RGS11: variants seen among roughly 807,000 people sequenced by gnomAD.
The protein encoded by RGS11 is regulator of G protein signaling 11.
A neutral mutation model predicts 71.1 loss-of-function variants in RGS11; 86 were observed. The observed-to-expected ratio is 1.21, with a 90% CI of 1.02 to 1.45. RGS11 has a LOEUF of 1.45. Among genes scored for constraint, RGS11 ranks in the 40% most tolerant of loss-of-function variants. The pLI is 0.00. For missense variants in RGS11, 734 were observed against 635.1 expected, an observed-to-expected ratio of 1.16 and a Z score of -1.67; for synonymous variants, 298 against 254.2, an observed-to-expected ratio of 1.17 and a Z score of -1.64.
chr16:274,730 T>G (rs1211623028), intron 4 of RGS11: 1 of 699,598 alleles, frequency 1.4e-6, no homozygotes, highest in Non-Finnish European at 2.6e-6. Flanking sequence ...CGACCCCTTG[T>G]GGGGCCCTGC....
rs892615371 is a variant in RGS11, at chr16:273,708, G to A, written c.506+52C>T. The A allele has an allele frequency of 2.5e-5, 40 of 1,582,910 alleles. No individual in the cohort carries two copies. In the Admixed American group the frequency reaches 3.5e-4, roughly 14 times the overall value. Reference sequence around the variant, plus strand: ...AGCCTGGCCTGGGCTGGGCTTCCCGGGTAGCCTGGGTTGGGCGCCTGCAGG... The same window carrying A: ...AGCCTGGCCTGGGCTGGGCTTCCCGAGTAGCCTGGGTTGGGCGCCTGCAGG... On this transcript the variant is annotated intron_variant, in intron 7 of 16. Coordinates refer to ENST00000397770, the MANE Select transcript of RGS11 (RefSeq NM_183337.3).
chr16:268,990 T>A lies in RGS11; in HGVS notation c.*279A>T. The A allele has an allele frequency of 1.3e-6, 2 of 1,495,974 alleles. No individual in the cohort carries two copies. Among genetic ancestry groups the A allele is most frequent in the African/African-American group, 2.8e-5 (2 of 71,912 alleles). 92.7% of individuals were successfully genotyped at this position (1,495,974 alleles called of 1,614,324 possible). A position where few individuals can be genotyped will look rare whatever the true frequency, so the allele number is the denominator to read the frequency against. ...AAGGTGGAGCTCCCTGTGGCCTTGG[T>A]CTCACCTCTCTTCAGGTAACAGGCT... On this transcript the variant is annotated 3_prime_UTR_variant, in exon 17 of 17. Transcript: ENST00000397770.
At chr16:273,587 C>A in intron 7 of RGS11, 31 bp from the exon 8 acceptor site, 1 of 1,546,514 alleles carries the variant, frequency 6.5e-7, no homozygotes, top group Non-Finnish European at 8.8e-7. Context: ...TGAGGGCACG[C>A]CCTGCACACA....
chr16:269,600 G>T lies in RGS11; in HGVS notation c.1207-15C>A. The T allele has an allele frequency of 1.2e-6, 2 of 1,602,154 alleles. No homozygotes were observed. The highest frequency in any genetic ancestry group is 1.7e-6 in the Non-Finnish European group (2 of 1,170,014). On this transcript the variant is annotated splice_polypyrimidine_tract_variant and intron_variant, in intron 15 of 16. Transcript: ENST00000397770. ...GGGTAGGAGTCCTACAAGAGACAGC[G>T]TCCAGCCCCTGACCCTTCTGCCTCC...
At position 275,857 on chromosome 16, in the gene RGS11, G is replaced by A; in HGVS notation, c.55C>T (p.Leu19=). ...ACCCACCCGCCTCGCACCTTCCTCAGATGCGGCATCTGCGCCCGGGGGCGG... is the reference window on the plus strand; with the variant it reads ...ACCCACCCGCCTCGCACCTTCCTCAAATGCGGCATCTGCGCCCGGGGGCGG... The part of the protein sequence containing the change: ...PGRPRAQMPH[L]RKMERVVVSM... Residue 19 remains leucine (L), a synonymous_variant, in exon 1 of 17, where the codon CTG becomes TTG. Transcript: ENST00000397770. 9.5e-7 allele frequency: 1 copy of A among 1,057,698 alleles called. No individual in the cohort carries two copies. The highest frequency in any genetic ancestry group is 1.2e-6 in the Non-Finnish European group (1 of 864,584). The allele number at this position is 1,057,698 out of a possible 1,614,324, so 65.5% of individuals were successfully genotyped here. A position where few individuals can be genotyped will look rare whatever the true frequency, so the allele number is the denominator to read the frequency against.
intron 9 of RGS11, chr16:272,093 C>T (rs1377900076): frequency 9.7e-7 from 1 of 1,034,636 alleles, no homozygotes; most frequent in African/African-American, 1.7e-5. Context: ...GCCTCAGCCT[C>T]CCAAAGTGCT....
Position 275,015 on chromosome 16 carries a change from G to T in RGS11, c.279C>A (p.Ser93Arg). 2 of 1,522,600 alleles carry T rather than the reference G, an allele frequency of 1.3e-6. No individual in the cohort carries two copies. The highest frequency in any genetic ancestry group is 8.8e-7 in the Non-Finnish European group (1 of 1,132,220). 94.3% of individuals were successfully genotyped at this position (1,522,600 alleles called of 1,614,324 possible). A position where few individuals can be genotyped will look rare whatever the true frequency, so the allele number is the denominator to read the frequency against. Residue 93 changes from serine to arginine, a missense_variant, in exon 4 of 17, where the codon AGC becomes AGA. Physicochemically the swap from Ser to Arg is moderately radical, Grantham distance 110. Transcript: ENST00000397770. ...GCGTCTCGTCTGGCCGGAGCATGAG[G>T]CTACGGGGGTCGCGCAGCGGGTAGA... is the stretch of plus-strand genomic sequence containing the variant. Reference protein sequence around the residue: ...GYIYPLRDPRSLMLRPDETPY... With the variant: ...GYIYPLRDPRRLMLRPDETPY...
intron 9 of RGS11, chr16:272,093 C>A (rs1377900076): frequency 1.9e-6 from 2 of 1,034,636 alleles, no homozygotes; most frequent in Non-Finnish European, 2.4e-6. Context: ...GCCTCAGCCT[C>A]CCAAAGTGCT....
chr16:275,559 C>G, intron 1 of RGS11, 61 bp from the exon 2 acceptor site: 3 of 1,351,188 alleles, frequency 2.2e-6, no homozygotes, highest in South Asian at 2.5e-5. Flanking sequence ...TCCCTGGCAC[C>G]GGCCGGGATG....
intron 4 of RGS11, chr16:274,577 G>A (rs1375515273): frequency 1.7e-6 from 1 of 595,618 alleles, no homozygotes; most frequent in Non-Finnish European, 3.1e-6. Flanking sequence ...TGTGCCTGGG[G>A]AGGGGTACAA....
chr16:270,424 CGTGGGCAGTGCCTGT>C, intron 15 of RGS11, 84 bp downstream of exon 15: 1 of 1,384,546 alleles, frequency 7.2e-7, no homozygotes, highest in South Asian at 1.4e-5. Context: ...GCAGAGTCAA[CGTGGGCAGTGCCTGT>C]GCGGACAGAG....
chr16:272,651 A>C, intron 9 of RGS11: 4 of 1,408,920 alleles, frequency 2.8e-6, no homozygotes, highest in East Asian at 2.9e-5. Flanking sequence ...ACCTGCACCC[A>C]GGGCAGCAGG....
chr16:273,503 T>C lies in RGS11; in HGVS notation c.560A>G (p.Gln187Arg). 6.4e-7 allele frequency: 1 copy of C among 1,555,498 alleles called. No homozygotes were observed. Among genetic ancestry groups the C allele is most frequent in the South Asian group, 1.2e-5 (1 of 84,412 alleles). Residue 187 changes from glutamine (Q) to arginine (R), a missense_variant, in exon 8 of 17, where the codon CAG becomes CGG. Coordinates refer to ENST00000397770, the MANE Select transcript of RGS11 (RefSeq NM_183337.3). ...GDRLVIACQE[Q>R]TYWLVNRPPP... ...GGGCCTGTTCACCAGCCAGTAGGTC[T>C]GCTCCTGGCACGCAATGACCAGCCT...
chr16:272,954 G>C (rs1055022028), intron 8 of RGS11, 23 bp from the exon 9 acceptor site: 40 of 1,478,574 alleles, frequency 2.7e-5, no homozygotes, highest in Non-Finnish European at 3.6e-5. Context: ...GACGAGATGA[G>C]GTGGGGATGC....
chr16:273,386 A>G, intron 8 of RGS11, 89 bp downstream of exon 8: 1 of 1,036,470 alleles, frequency 9.6e-7, no homozygotes, highest in Non-Finnish European at 1.4e-6. Context: ...CCACAGGCTC[A>G]AAATGGTGGT....
intron 9 of RGS11, chr16:271,957 C>T (rs1425027993): frequency 9.9e-6 from 3 of 304,116 alleles, no homozygotes; most frequent in African/African-American, 6.6e-5. Context: ...CTGCCTCAGC[C>T]TCTCCAGTAG....
Position 268,742 on chromosome 16 carries a change from C to A in RGS11, c.*527G>T. ...CCGGAAGGCAGTGACCTCGAGGCAG[C>A]CTCAGCACGGCACTCTCTTGGGTCC... On this transcript the variant is annotated 3_prime_UTR_variant, in exon 17 of 17. Transcript: ENST00000397770. The A allele has an allele frequency of 6.5e-7, 1 of 1,542,634 alleles. No individual in the cohort carries two copies. Among genetic ancestry groups the A allele is most frequent in the Non-Finnish European group, 8.8e-7 (1 of 1,142,788 alleles).
Position 275,901 on chromosome 16 carries a change from C to G in RGS11, c.11G>C (p.Gly4Ala). 1.1e-6 allele frequency: 1 copy of G among 873,338 alleles called. No individual in the cohort carries two copies. Among genetic ancestry groups the G allele is most frequent in the Non-Finnish European group, 1.4e-6 (1 of 714,218 alleles). The allele number at this position is 873,338 out of a possible 1,614,324, so 54.1% of individuals were successfully genotyped here. ...GGGGCGGCCGGGGGGCGGCGCGGGG[C>G]CGGCGGCCATGGCTGCGGGGCGAGG... The part of the protein sequence containing the change: MAA[G>A]PAPPPGRPRA... Residue 4 changes from glycine (G) to alanine (A), a missense_variant, in exon 1 of 17, where the codon GGC (glycine) becomes GCC (alanine). Gly to Ala is a moderately conservative substitution (Grantham distance 60). Coordinates refer to ENST00000397770, the MANE Select transcript of RGS11 (RefSeq NM_183337.3).
intron 15 of RGS11, 55 bp downstream of exon 15, chr16:270,468 T>C (rs988754253): frequency 3.7e-5 from 57 of 1,529,772 alleles, no homozygotes; most frequent in Non-Finnish European, 4.9e-5. Context: ...GGTGGGGACA[T>C]GGAGGCCCGT....
Sources: allele counts gnomAD v4.1 joint callset, GRCh38; gene constraint gnomAD v4.1.1; transcripts MANE v1.5; gene names NCBI Gene and HGNC (gene_info 2026-07-23, HGNC 2026-07-21).